PLEKHM3: variants seen among roughly 807,000 people sequenced by gnomAD.
PLEKHM3 encodes pleckstrin homology domain-containing family M member 3.
A neutral mutation model predicts 81.8 loss-of-function variants in PLEKHM3; 45 were observed. The observed-to-expected ratio is 0.55, with a 90% CI of 0.43 to 0.71. PLEKHM3 has a LOEUF of 0.71. Among genes scored for constraint, PLEKHM3 ranks in the 30% least tolerant of loss-of-function variants. The probability of loss-of-function intolerance (pLI) is 0.00; values close to 1 mark genes in which losing one functional copy is unlikely to be tolerated. For synonymous variants in PLEKHM3, 352 were observed against 356.4 expected (o/e 0.99, Z 0.14); for missense variants, 788 against 924.3 (o/e 0.85, Z 1.91).
intron 7 of PLEKHM3, among the ~76,000 whole-genome samples, chr2:207,855,557 A>G (rs1207405215): frequency 6.6e-6 from 1 of 152,230 alleles, no homozygotes; most frequent in Non-Finnish European, 1.5e-5. Context: ...CAAAAGGAAC[A>G]GCATGGAAAG....
At chr2:207,847,379 T>G (rs1482537816) in intron 7 of PLEKHM3, among the ~76,000 whole-genome samples, 1 of 152,196 alleles carries the variant, frequency 6.6e-6, no homozygotes, top group Non-Finnish European at 1.5e-5. Flanking sequence ...CCAGAAAAAC[T>G]AGCATTGTGC....
At chr2:207,849,355 G>A (rs1574333489) in intron 7 of PLEKHM3, among the ~76,000 whole-genome samples, 1 of 152,074 alleles carries the variant, frequency 6.6e-6, no homozygotes, top group Non-Finnish European at 1.5e-5. Flanking sequence ...GTACAGACTA[G>A]ATGTAGTAGC....
At chr2:207,878,872 G>A (rs920600153) in intron 6 of PLEKHM3, among the ~76,000 whole-genome samples, 3 of 151,424 alleles carry the variant, frequency 2.0e-5, no homozygotes, top group African/African-American at 4.9e-5. Flanking sequence ...GAAAAGCCCC[G>A]GAAGCCTCTT....
intron 7 of PLEKHM3, chr2:207,851,097 G>A (rs921394431): frequency 1.4e-5 from 2 of 139,448 alleles, no homozygotes; most frequent in African/African-American, 5.5e-5. Context: ...AGGTTGCAGT[G>A]AGCCGACATC....
intron 5 of PLEKHM3, among the ~76,000 whole-genome samples, chr2:207,920,137 C>T (rs906552397): frequency 7.2e-5 from 11 of 152,106 alleles, no homozygotes; most frequent in South Asian, 2.1e-4. Flanking sequence ...GAAGAGATGG[C>T]TTAGAAGGTA....
chr2:207,891,339 A>G (rs1214681731), intron 6 of PLEKHM3, among the ~76,000 whole-genome samples: 1 of 152,244 alleles, frequency 6.6e-6, no homozygotes, highest in Non-Finnish European at 1.5e-5. Flanking sequence ...TCTTCTAAGC[A>G]TTGTACATAT....
intron 7 of PLEKHM3, among the ~76,000 whole-genome samples, chr2:207,842,691 TAA>T: frequency 6.6e-6 from 1 of 152,316 alleles, no homozygotes; most frequent in South Asian, 2.1e-4. Flanking sequence ...TGCGTATTGG[TAA>T]ATGTTGGATG....
chr2:207,990,662 G>A, intron 2 of PLEKHM3, among the ~76,000 whole-genome samples: 1 of 152,114 alleles, frequency 6.6e-6, no homozygotes, highest in Non-Finnish European at 1.5e-5. Context: ...GATACTACAG[G>A]AATCAAAGCT....
chr2:208,022,797 C>T (rs903204650), intron 1 of PLEKHM3, among the ~76,000 whole-genome samples: 9 of 152,144 alleles, frequency 5.9e-5, no homozygotes, highest in African/African-American at 2.2e-4. Flanking sequence ...AACTGTGCCA[C>T]ATAACATAAT....
intron 5 of PLEKHM3, among the ~76,000 whole-genome samples, chr2:207,926,677 A>C (rs1648255607): frequency 6.6e-6 from 1 of 152,234 alleles, no homozygotes; most frequent in Non-Finnish European, 1.5e-5. Flanking sequence ...AATTGTCAGC[A>C]CTGTAAACAT....
At chr2:208,022,437 G>C (rs1693160311) in intron 1 of PLEKHM3, among the ~76,000 whole-genome samples, 2 of 152,312 alleles carry the variant, frequency 1.3e-5, no homozygotes, top group South Asian at 4.1e-4. Flanking sequence ...GTGGTGGCCA[G>C]GCTGGGCTCT....
chr2:208,018,270 G>T, intron 1 of PLEKHM3, among the ~76,000 whole-genome samples: 1 of 151,556 alleles, frequency 6.6e-6, no homozygotes, highest in Non-Finnish European at 1.5e-5. Context: ...CTACTCCAGA[G>T]GCTGAGGCAG....
intron 6 of PLEKHM3, among the ~76,000 whole-genome samples, chr2:207,884,552 A>G (rs980898874): frequency 6.6e-6 from 1 of 152,344 alleles, no homozygotes; most frequent in East Asian, 1.9e-4. Flanking sequence ...AAGAGACTAA[A>G]TGGCTAACCC....
chr2:207,936,975 C>T (rs1233453289), intron 4 of PLEKHM3, among the ~76,000 whole-genome samples: 4 of 151,510 alleles, frequency 2.6e-5, no homozygotes, highest in African/African-American at 2.4e-5. Context: ...AGGGTATATA[C>T]TATATTGTCA....
At position 207,836,327 on chromosome 2, in the gene PLEKHM3, A is replaced by C. The variant is rs866681094; in HGVS notation, c.2109-7831T>G. On this transcript the variant is annotated intron_variant, in intron 7 of 7. Coordinates refer to ENST00000427836, the MANE Select transcript of PLEKHM3 (RefSeq NM_001080475.3). ...CGACAGAGAGAGAGTCTAAAAAAAA[A>C]AAAAAAAAAGCACCATGGAATGAGA... 4.7e-3 allele frequency among the ~76,000 whole-genome samples: 711 copies of C among 151,874 alleles called. 7 individuals are homozygous for C. Among genetic ancestry groups the C allele is most frequent in the African/African-American group, 0.015 (622 of 41,426 alleles).
chr2:207,893,010 G>A (rs1316592672), intron 6 of PLEKHM3, among the ~76,000 whole-genome samples: 1 of 152,168 alleles, frequency 6.6e-6, no homozygotes, highest in Non-Finnish European at 1.5e-5. Context: ...GTGAAAGCCT[G>A]TGTAAAGACC....
At chr2:207,927,190 T>C (rs1161382459) in intron 5 of PLEKHM3, among the ~76,000 whole-genome samples, 1 of 152,222 alleles carries the variant, frequency 6.6e-6, no homozygotes, top group African/African-American at 2.4e-5. Flanking sequence ...TTCACCTCAC[T>C]GTTTAAACTC....
At chr2:207,940,201 T>A (rs754493704) in intron 4 of PLEKHM3, among the ~76,000 whole-genome samples, 2 of 152,216 alleles carry the variant, frequency 1.3e-5, no homozygotes, top group Non-Finnish European at 2.9e-5. Context: ...GACAAGCAAC[T>A]AGCTGTTATA....
chr2:207,883,472 A>G (rs1311791784), intron 6 of PLEKHM3, among the ~76,000 whole-genome samples: 1 of 152,246 alleles, frequency 6.6e-6, no homozygotes, highest in Admixed American at 6.5e-5. Flanking sequence ...TTTCACATAC[A>G]TTTCTTAAAT....
Sources: gnomAD v4.1 joint callset for allele counts (sites outside exome capture counted in the v4.1 genomes callset) on GRCh38, gnomAD v4.1.1 for gene constraint, MANE v1.5 for transcripts, NCBI Gene and HGNC (gene_info 2026-07-23, HGNC 2026-07-21) for gene names.